The following NLRP5 variants were observed in gnomAD, a reference collection of about 807,000 sequenced individuals.
The protein encoded by NLRP5 is NLR family pyrin domain containing 5.
NLRP5 carries 93 observed loss-of-function variants against 113.1 expected under a neutral mutation model. The ratio of observed to expected loss-of-function variants is 0.82; its 90% confidence interval spans 0.70 to 0.98. The LOEUF (loss-of-function observed/expected upper bound fraction) is 0.98. Among genes scored for constraint, NLRP5 ranks in the 50% least tolerant of loss-of-function variants. NLRP5 has a pLI of 0.00. For missense variants in NLRP5, 1,808 were observed against 1,514.3 expected (o/e 1.19, Z -3.22); for synonymous variants, 751 against 600.7 (o/e 1.25, Z -3.66).
At chr19:55,988,166 C>T in the NLRP5 span, 2 of 266,362 alleles carry the variant, frequency 7.5e-6, no homozygotes, top group South Asian at 6.1e-5. Flanking sequence ...TCGAGGTGGG[C>T]AGATTACCTG....
At chr19:56,026,823 A>G (rs1982871040) in intron 6 of NLRP5, 90 bp from the exon 7 acceptor site, 2 of 1,380,052 alleles carry the variant, frequency 1.4e-6, no homozygotes. Context: ...TGATATGCCC[A>G]TCTTGACCTC....
chr19:56,009,956 AGT>A (rs1199089662), intron 3 of NLRP5, among the ~76,000 whole-genome samples: 1 of 152,200 alleles, frequency 6.6e-6, no homozygotes, highest in Non-Finnish European at 1.5e-5. Flanking sequence ...TCACCGGGTG[AGT>A]GTGACATGTT....
intron 11 of NLRP5, among the ~76,000 whole-genome samples, chr19:56,044,028 CTAGAATTTT>C (rs1983629657): frequency 1.3e-5 from 2 of 150,158 alleles, no homozygotes; most frequent in Non-Finnish European, 3.0e-5. Flanking sequence ...ATGTTATCTT[CTAGAATTTT>C]TAGAATTTTT....
intron 6 of NLRP5, among the ~76,000 whole-genome samples, chr19:56,026,522 C>T (rs1362412920): frequency 5.1e-5 from 2 of 39,308 alleles, no homozygotes; most frequent in Admixed American, 3.5e-4. Flanking sequence ...AGCAAGACTC[C>T]ATCTCAAAAA....
At chr19:56,006,996 C>T (rs184577641) in intron 2 of NLRP5, among the ~76,000 whole-genome samples, 1 of 150,990 alleles carries the variant, frequency 6.6e-6, no homozygotes, top group Admixed American at 6.6e-5. Flanking sequence ...ACCTTGGCCT[C>T]CCAAAGTTCT....
At chr19:56,057,937 G>A (rs1984215482) in intron 13 of NLRP5, among the ~76,000 whole-genome samples, 2 of 151,244 alleles carry the variant, frequency 1.3e-5, no homozygotes, top group African/African-American at 4.9e-5. Flanking sequence ...TAAGGCAGGA[G>A]TATCGCTTGA....
intron 9 of NLRP5, among the ~76,000 whole-genome samples, chr19:56,036,055 A>ATTTTTTTTTTT (rs1261118713): frequency 3.3e-5 from 3 of 90,580 alleles, no homozygotes; most frequent in African/African-American, 9.8e-5. Context: ...ATGAATTGAG[A>ATTTTTTTTTTT]TTCTTTTTTT....
intron 11 of NLRP5, among the ~76,000 whole-genome samples, chr19:56,048,633 C>T (rs907712183): frequency 6.6e-6 from 1 of 152,128 alleles, no homozygotes; most frequent in Non-Finnish European, 1.5e-5. Context: ...GTGCTTCTGT[C>T]TCACAGTTCT....
intron 8 of NLRP5, 99 bp downstream of exon 8, chr19:56,032,880 G>A (rs978676258): frequency 2.6e-5 from 31 of 1,207,896 alleles, no homozygotes; most frequent in Middle Eastern, 2.9e-4. Flanking sequence ...TTCAAGTGCA[G>A]CCTGAGGGCA....
chr19:56,047,800 GT>G (rs1263126606), intron 11 of NLRP5, among the ~76,000 whole-genome samples: 3 of 152,156 alleles, frequency 2.0e-5, no homozygotes, highest in African/African-American at 4.8e-5. Context: ...TTCATGACCT[GT>G]CCAGTGCTGT....
At chr19:55,998,862 G>C (rs1981485816), upstream of NLRP5, among the ~76,000 whole-genome samples, 1 of 151,208 alleles carries the variant, frequency 6.6e-6, no homozygotes. Context: ...TTAGATATAT[G>C]TATACATGGC....
chr19:55,995,936 TTA>T (rs1481199018), upstream of NLRP5, among the ~76,000 whole-genome samples: 1 of 152,176 alleles, frequency 6.6e-6, no homozygotes, highest in Non-Finnish European at 1.5e-5. Context: ...AGTTCATTTA[TTA>T]TATAAAAACT....
chr19:56,038,556 T>G (rs116054370), intron 10 of NLRP5, among the ~76,000 whole-genome samples: 1,933 of 152,228 alleles, frequency 0.013, 30 homozygotes, highest in African/African-American at 0.044. Context: ...ACCCACTCAG[T>G]CACTCAAAGA....
upstream of NLRP5, among the ~76,000 whole-genome samples, chr19:55,998,046 G>A (rs1981391012): frequency 6.6e-6 from 1 of 152,062 alleles, no homozygotes. Flanking sequence ...AAACAACCAT[G>A]GTAGCATACA....
At chr19:56,044,622 A>G (rs1983654774) in intron 11 of NLRP5, among the ~76,000 whole-genome samples, 1 of 152,112 alleles carries the variant, frequency 6.6e-6, no homozygotes, top group African/African-American at 2.4e-5. Context: ...ACTATGCCTT[A>G]TAGTTTGAAA....
At chr19:56,011,691 CT>C (rs201802212) in intron 3 of NLRP5, among the ~76,000 whole-genome samples, 1,501 of 143,668 alleles carry the variant, frequency 0.01, 21 homozygotes, top group African/African-American at 0.031. Context: ...TTTCCTATGT[CT>C]TTTTTTTTTT....
chr19:56,050,633 C>G, intron 12 of NLRP5, 45 bp downstream of exon 12: 2 of 1,564,882 alleles, frequency 1.3e-6, no homozygotes, highest in Non-Finnish European at 1.7e-6. Flanking sequence ...ATACTGGGGT[C>G]TGGAGTTCCT....
At chr19:55,990,506 C>A in the NLRP5 span, among the ~76,000 whole-genome samples, 1 of 151,930 alleles carries the variant, frequency 6.6e-6, no homozygotes, top group Non-Finnish European at 1.5e-5. Context: ...GCCTGACTAA[C>A]ATGGCGAAAT....
chr19:55,987,949 C>A, the NLRP5 span: 1 of 1,487,392 alleles, frequency 6.7e-7, no homozygotes, highest in South Asian at 1.1e-5. Flanking sequence ...CTTGATTGAT[C>A]AGTTCCCACT....
Sources: allele counts gnomAD v4.1 joint callset (sites outside exome capture counted in the v4.1 genomes callset), GRCh38; gene constraint gnomAD v4.1.1; transcripts MANE v1.5; gene names NCBI Gene and HGNC (gene_info 2026-07-23, HGNC 2026-07-21).